ATP5PO: variants seen among roughly 807,000 people sequenced by gnomAD.
ATP5PO encodes the protein ATP synthase peripheral stalk subunit OSCP.
In ATP5PO, 14 loss-of-function variants were observed where a neutral mutation model predicts 26.2. The observed-to-expected ratio is 0.53, with a 90% CI of 0.35 to 0.83. The LOEUF is 0.83. Among genes scored for constraint, ATP5PO ranks in the 40% least tolerant of loss-of-function variants. The pLI, the probability that ATP5PO is intolerant of heterozygous loss-of-function variation, is 0.01. For missense variants in ATP5PO, 241 were observed against 258.5 expected (o/e 0.93, Z 0.46); for synonymous variants, 106 against 95.1 (o/e 1.12, Z -0.67).
At chr21:33,914,645 T>A in intron 1 of ATP5PO, 145 bp from the exon 2 acceptor site, 1 of 667,624 alleles carries the variant, frequency 1.5e-6, no homozygotes, top group Non-Finnish European at 2.5e-6. Context: ...GAGGGTGAGC[T>A]ACTTACTATT....
Position 33,912,403 on chromosome 21 carries a change from T to TA in ATP5PO, c.88-5dup, listed in dbSNP as rs746201347. On this transcript the variant is annotated splice_polypyrimidine_tract_variant and splice_region_variant and intron_variant, in intron 2 of 6. Coordinates refer to ENST00000290299, the MANE Select transcript of ATP5PO (RefSeq NM_001697.3). ...TACCGTATACCTGAACAGGAGGCTTTAAAAAAAAGGTGAAATAGGAGAGGA... is the reference window on the plus strand; with the variant it reads ...TACCGTATACCTGAACAGGAGGCTTTAAAAAAAAAGGTGAAATAGGAGAGGA... 3.2e-4 allele frequency: 505 copies of TA among 1,569,974 alleles called. No individual in the cohort carries two copies. Among genetic ancestry groups the TA allele is most frequent in the Admixed American group, 1.6e-3 (90 of 58,012 alleles).
Position 33,909,086 on chromosome 21 carries a change from C to G in ATP5PO, c.324G>C (p.Leu108=), listed in dbSNP as rs1240294813. The change falls in exon 4 of 7, where the codon CTG becomes CTC. Residue 108 remains leucine, a synonymous_variant. Coordinates refer to ENST00000290299, the MANE Select transcript of ATP5PO (RefSeq NM_001697.3). ...KERFSPLTTN[L]INLLAENGRL... ...TGAAAAAGTTCTAATACTCACTGAT[C>G]AGATTGGTAGTGAGGGGAGAGAACC... 1.2e-6 allele frequency: 2 copies of G among 1,604,680 alleles called. No individual in the cohort carries two copies. Among genetic ancestry groups the G allele is most frequent in the Non-Finnish European group, 8.5e-7 (1 of 1,174,744 alleles).
chr21:33,904,118 G>C, intron 5 of ATP5PO, 97 bp from the exon 6 acceptor site: 1 of 1,029,704 alleles, frequency 9.7e-7, no homozygotes, highest in South Asian at 1.6e-5. Flanking sequence ...CAGGCCTTGT[G>C]AGCTCCTCCC....
chr21:33,915,777 G>C lies in ATP5PO; in HGVS notation c.-14C>G. 6.4e-7 allele frequency: 1 copy of C among 1,565,874 alleles called. No individual in the cohort carries two copies. The highest frequency in any genetic ancestry group is 1.2e-5 in the South Asian group (1 of 84,992). On this transcript the variant is annotated 5_prime_UTR_variant, in exon 1 of 7. Coordinates refer to ENST00000290299, the MANE Select transcript of ATP5PO (RefSeq NM_001697.3). The stretch of plus-strand genomic sequence containing the variant: ...TGGGGCAGCCATCTTCTCCCGGGCG[G>C]CTGTAGGTCAAACCCGAGTGGGAAG...
intron 4 of ATP5PO, 126 bp downstream of exon 4, chr21:33,908,956 C>T: frequency 1.8e-6 from 2 of 1,098,416 alleles, no homozygotes; most frequent in Non-Finnish European, 2.5e-6. Flanking sequence ...CAGCAGGTTG[C>T]TGTGAGGCCT....
intron 4 of ATP5PO, among the ~76,000 whole-genome samples, chr21:33,907,963 C>T (rs963880345): frequency 2.6e-5 from 4 of 151,876 alleles, no homozygotes; most frequent in Non-Finnish European, 5.9e-5. Flanking sequence ...GGGTGAAACC[C>T]TGGGTAACAT....
chr21:33,907,233 G>T, intron 5 of ATP5PO, 108 bp downstream of exon 5: 1 of 993,900 alleles, frequency 1.0e-6, no homozygotes, highest in Non-Finnish European at 1.5e-6. Context: ...CAGGTGACAA[G>T]TTACCTTTCC....
rs1221788945 is a variant in ATP5PO, at chr21:33,903,529, G to C, written c.639C>G (p.Val213=). 6.2e-7 allele frequency: 1 copy of C among 1,611,412 alleles called. No individual in the cohort carries two copies. Among genetic ancestry groups the C allele is most frequent in the South Asian group, 1.1e-5 (1 of 90,806 alleles). The change falls in exon 7 of 7, where the codon GTC becomes GTG. Residue 213 remains valine (V), a synonymous_variant. Transcript: ENST00000290299. ...TGATGGCAGAAAACCAACACTTTTA[G>C]ACAATCTCCCGCATAGCCCTGCCCA... ...QKLGRAMREI[V]
intron 1 of ATP5PO, 100 bp downstream of exon 1, chr21:33,915,628 A>T (rs938379054): frequency 6.0e-6 from 9 of 1,489,918 alleles, no homozygotes; most frequent in Non-Finnish European, 8.1e-6. Context: ...AGACTGCCAG[A>T]CTTCCCCAGC....
intron 5 of ATP5PO, chr21:33,906,537 G>C (rs1987175009): frequency 5.6e-6 from 2 of 357,026 alleles, no homozygotes; most frequent in Admixed American, 3.8e-5. Flanking sequence ...TATCTCACAT[G>C]AATCTTTTGA....
chr21:33,914,359 A>C (rs1987286622), intron 2 of ATP5PO, 91 bp downstream of exon 2: 1 of 1,290,556 alleles, frequency 7.7e-7, no homozygotes, highest in Admixed American at 1.9e-5. Context: ...TTTAGATAGT[A>C]ACTACACAAA....
At chr21:33,913,620 CGG>C (rs1569367916) in intron 2 of ATP5PO, among the ~76,000 whole-genome samples, 1 of 152,096 alleles carries the variant, frequency 6.6e-6, no homozygotes, top group Non-Finnish European at 1.5e-5. Flanking sequence ...CCTCTTTATC[CGG>C]GGTCAACTGG....
Position 33,912,267 on chromosome 21 carries a change from A to C in ATP5PO, c.198+22T>G, listed in dbSNP as rs1307387216. 5.7e-6 allele frequency: 9 copies of C among 1,578,734 alleles called. No individual in the cohort carries two copies. In the African/African-American group the frequency reaches 1.1e-4, roughly 19 times the overall value. On this transcript the variant is annotated intron_variant, in intron 3 of 6. Coordinates refer to ENST00000290299, the MANE Select transcript of ATP5PO (RefSeq NM_001697.3). ...ATATACAAACAGGAACTTCATATGT[A>C]ATGAATAGGAAAGCTACTTACTGCT...
Position 33,904,008 on chromosome 21 carries a change from GCTT to G in ATP5PO, c.452_454del (p.Glu151del). On this transcript the variant is annotated inframe_deletion, in exon 6 of 7. Transcript: ENST00000290299. ...GACAGTTTTTAATTCAGAGAGTGTG[GCTT>G]CTTCTAAAGGCTGAAAGGCAAAACC... 6 of 1,612,296 alleles carry G rather than the reference GCTT, an allele frequency of 3.7e-6. No homozygotes were observed. Among genetic ancestry groups the G allele is most frequent in the Non-Finnish European group, 5.1e-6 (6 of 1,179,324 alleles).
At chr21:33,913,313 GATC>G (rs930274547) in intron 2 of ATP5PO, among the ~76,000 whole-genome samples, 8 of 152,148 alleles carry the variant, frequency 5.3e-5, no homozygotes, top group African/African-American at 1.7e-4. Context: ...GACCTGGTAT[GATC>G]ATCTTTCCTT....
intron 3 of ATP5PO, among the ~76,000 whole-genome samples, chr21:33,910,679 C>T (rs559959602): frequency 1.3e-3 from 204 of 152,260 alleles, no homozygotes; most frequent in African/African-American, 4.3e-3. Flanking sequence ...TGTGAGACCC[C>T]GTCTGTTCCT....
chr21:33,915,572 T>C, intron 1 of ATP5PO, 156 bp downstream of exon 1: 1 of 1,144,408 alleles, frequency 8.7e-7, no homozygotes, highest in Admixed American at 2.9e-5. Flanking sequence ...GGACAAACGC[T>C]GGGTCGTCCT....
At chr21:33,909,036 A>G (rs1987212271) in intron 4 of ATP5PO, 46 bp downstream of exon 4, 1 of 1,543,270 alleles carries the variant, frequency 6.5e-7, no homozygotes, top group South Asian at 1.2e-5. Flanking sequence ...CCACATTTCC[A>G]GTCATAGTTT....
In ATP5PO at chr21:33,912,321, C is replaced by T; in HGVS notation, c.166G>A (p.Glu56Lys). 6.2e-7 allele frequency: 1 copy of T among 1,613,164 alleles called. No homozygotes were observed. The highest frequency in any genetic ancestry group is 1.1e-5 in the South Asian group (1 of 90,994). The change falls in exon 3 of 7, where the codon GAG becomes AAG. Residue 56 changes from glutamate (E) to lysine (K), a missense_variant. Around this residue, in one of 3 missense-constraint regions of ATP5PO, gnomAD observed 125 missense variants for 108.5 expected, o/e 1.15. Transcript: ENST00000290299. Reference protein sequence around the residue: ...YSAASKQNKLEQVEKELLRVA... With the variant: ...YSAASKQNKLKQVEKELLRVA... Reference sequence around the variant, plus strand: ...CTCAACAACTCCTTTTCTACTTGCTCCAGCTTATTCTGTTTTGATGCAGCA... The same window carrying T: ...CTCAACAACTCCTTTTCTACTTGCTTCAGCTTATTCTGTTTTGATGCAGCA...
Sources: allele counts gnomAD v4.1 joint callset (sites outside exome capture counted in the v4.1 genomes callset), GRCh38; gene constraint gnomAD v4.1.1; regional missense constraint gnomAD v4.1.1; transcripts MANE v1.5; gene names NCBI Gene and HGNC (gene_info 2026-07-23, HGNC 2026-07-21).